RUNDC3B: variants seen among roughly 807,000 people sequenced by gnomAD.
RUNDC3B encodes the protein RUN domain-containing protein 3B.
In RUNDC3B, 33 loss-of-function variants were observed where a neutral mutation model predicts 58.4. The ratio of observed to expected loss-of-function variants is 0.56; its 90% confidence interval spans 0.43 to 0.75. The LOEUF (loss-of-function observed/expected upper bound fraction) is 0.75, where lower values mean the gene tolerates loss of function less well. RUNDC3B is among the 30% of genes least tolerant of loss of function. The pLI, the probability that RUNDC3B is intolerant of heterozygous loss-of-function variation, is 0.00. For missense variants in RUNDC3B, 501 were observed against 535.7 expected (o/e 0.94, Z 0.64); for synonymous variants, 193 against 195.2 (o/e 0.99, Z 0.10).
At chr7:87,759,977 A>G (rs1833586018) in intron 6 of RUNDC3B, among the ~76,000 whole-genome samples, 1 of 152,034 alleles carries the variant, frequency 6.6e-6, no homozygotes, top group Non-Finnish European at 1.5e-5. Flanking sequence ...TTTTTACATC[A>G]AAGCTCTGAA....
At chr7:87,800,653 C>CTTTTT (rs571588791) in intron 8 of RUNDC3B, among the ~76,000 whole-genome samples, 24 of 137,598 alleles carry the variant, frequency 1.7e-4, no homozygotes, top group Non-Finnish European at 1.7e-4. Flanking sequence ...CTTTTCTTTT[C>CTTTTT]TTTTTTTTTT....
intron 8 of RUNDC3B, among the ~76,000 whole-genome samples, chr7:87,804,071 A>G (rs972695904): frequency 2.0e-5 from 3 of 152,190 alleles, no homozygotes; most frequent in Admixed American, 6.5e-5. Context: ...TTGATTATTA[A>G]ACTGTATGAG....
At chr7:87,680,818 A>G (rs1826859078) in intron 2 of RUNDC3B, among the ~76,000 whole-genome samples, 1 of 150,416 alleles carries the variant, frequency 6.6e-6, no homozygotes, top group South Asian at 2.1e-4. Context: ...AAAAGAAAAA[A>G]GAAAAAGAAA....
intron 4 of RUNDC3B, among the ~76,000 whole-genome samples, chr7:87,714,567 A>G (rs199473696): frequency 2.2e-3 from 333 of 152,318 alleles, no homozygotes; most frequent in Non-Finnish European, 4.1e-3. Flanking sequence ...TCCATAACCT[A>G]TGATTAGCAA....
chr7:87,720,015 A>G (rs1164648889), intron 4 of RUNDC3B, among the ~76,000 whole-genome samples: 4 of 150,936 alleles, frequency 2.7e-5, no homozygotes. Flanking sequence ...AAGAGAAAGA[A>G]AAACTTTGCA....
At chr7:87,640,584 T>G (rs1822341371) in intron 1 of RUNDC3B, among the ~76,000 whole-genome samples, 1 of 152,138 alleles carries the variant, frequency 6.6e-6, no homozygotes, top group Non-Finnish European at 1.5e-5. Flanking sequence ...GCCTCAGGCA[T>G]TCCTCCTGCC....
chr7:87,797,248 T>G (rs1411223315), intron 8 of RUNDC3B, among the ~76,000 whole-genome samples: 1 of 152,210 alleles, frequency 6.6e-6, no homozygotes, highest in African/African-American at 2.4e-5. Context: ...AATTTCTGTT[T>G]CTCTTTAATG....
intron 2 of RUNDC3B, among the ~76,000 whole-genome samples, chr7:87,692,035 T>A (rs1221690496): frequency 6.6e-6 from 1 of 152,218 alleles, no homozygotes; most frequent in African/African-American, 2.4e-5. Flanking sequence ...AAATTATAAT[T>A]AAAGCAATTA....
intron 9 of RUNDC3B, among the ~76,000 whole-genome samples, chr7:87,814,153 T>G (rs949746702): frequency 1.3e-5 from 2 of 149,386 alleles, no homozygotes; most frequent in African/African-American, 4.9e-5. Context: ...CAGACTGGAG[T>G]GCAGTGGCAC....
At chr7:87,760,960 A>G (rs1236833076) in intron 6 of RUNDC3B, among the ~76,000 whole-genome samples, 4 of 152,038 alleles carry the variant, frequency 2.6e-5, no homozygotes, top group Non-Finnish European at 5.9e-5. Flanking sequence ...TAAATAACAA[A>G]AGAAAAAATA....
chr7:87,665,431 T>C (rs1825126960), intron 2 of RUNDC3B, among the ~76,000 whole-genome samples: 1 of 152,026 alleles, frequency 6.6e-6, no homozygotes, highest in Non-Finnish European at 1.5e-5. Context: ...TTAAATAAAT[T>C]GTAGAAGACA....
intron 2 of RUNDC3B, among the ~76,000 whole-genome samples, chr7:87,679,908 GA>G (rs1053395057): frequency 6.6e-6 from 1 of 150,522 alleles, no homozygotes; most frequent in Non-Finnish European, 1.5e-5. Context: ...CCAAATGTTT[GA>G]AAATGTAAAA....
At position 87,781,676 on chromosome 7, in the gene RUNDC3B, G is replaced by A. The variant is rs117231995; in HGVS notation, c.956+3721G>A. 5.0e-3 allele frequency among the ~76,000 whole-genome samples: 758 copies of A among 152,148 alleles called. 2 individuals are homozygous for A. The highest frequency in any genetic ancestry group is 8.3e-3 in the Non-Finnish European group (566 of 67,966). ...ACATTCCCTCAAAACCTAGTTTTTT[G>A]AGGGTTTTTATCATGAAGGGATGTT... On this transcript the variant is annotated intron_variant, in intron 8 of 10. Transcript: ENST00000394654.
At chr7:87,652,488 T>C (rs1276486004) in intron 2 of RUNDC3B, among the ~76,000 whole-genome samples, 1 of 151,752 alleles carries the variant, frequency 6.6e-6, no homozygotes, top group Non-Finnish European at 1.5e-5. Flanking sequence ...GAATCCCCAG[T>C]TGATTTATGG....
At chr7:87,812,770 C>T (rs1836796473) in intron 9 of RUNDC3B, among the ~76,000 whole-genome samples, 1 of 152,100 alleles carries the variant, frequency 6.6e-6, no homozygotes, top group South Asian at 2.1e-4. Context: ...AAAGTAATAG[C>T]TGTTAATTGG....
intron 6 of RUNDC3B, among the ~76,000 whole-genome samples, chr7:87,757,888 G>T (rs1170000479): frequency 6.6e-6 from 1 of 152,134 alleles, no homozygotes; most frequent in African/African-American, 2.4e-5. Flanking sequence ...GAGAGGTCAA[G>T]AATATGCACT....
intron 4 of RUNDC3B, among the ~76,000 whole-genome samples, chr7:87,717,820 A>T (rs1184194176): frequency 1.3e-5 from 2 of 152,166 alleles, no homozygotes; most frequent in Non-Finnish European, 2.9e-5. Context: ...ATTTCAAAAA[A>T]TTAAGGAAAA....
Position 87,628,932 on chromosome 7 carries a change from A to T in RUNDC3B, c.109A>T (p.Ile37Phe). ...RNAAVERRNL[I>F]TVCRFSVKTL... ...TGCTGCGGTGGAGAGGAGGAACCTG[A>T]TCACCGTGTGCAGGTACGGCAGCGC... The change falls in exon 1 of 11, where the codon ATC (isoleucine) becomes TTC (phenylalanine). Residue 37 changes from isoleucine to phenylalanine, a missense_variant. Coordinates refer to ENST00000394654, the MANE Select transcript of RUNDC3B (RefSeq NM_001134405.2). The T allele has an allele frequency of 7.6e-7, 1 of 1,310,206 alleles. No homozygotes were observed. Among genetic ancestry groups the T allele is most frequent in the African/African-American group, 1.5e-5 (1 of 66,484 alleles). 81.2% of individuals were successfully genotyped at this position (1,310,206 alleles called of 1,614,324 possible). A position where few individuals can be genotyped will look rare whatever the true frequency, so the allele number is the denominator to read the frequency against.
At chr7:87,636,424 T>G (rs1426017509) in intron 1 of RUNDC3B, among the ~76,000 whole-genome samples, 2 of 152,210 alleles carry the variant, frequency 1.3e-5, no homozygotes, top group Admixed American at 6.5e-5. Flanking sequence ...CTCTGCTTTT[T>G]GTTTATTTTT....
Sources: allele counts gnomAD v4.1 joint callset (sites outside exome capture counted in the v4.1 genomes callset), GRCh38; gene constraint gnomAD v4.1.1; transcripts MANE v1.5; gene names NCBI Gene and HGNC (gene_info 2026-07-23, HGNC 2026-07-21).